Variants in GRIP1 observed in about 807,000 individuals in gnomAD.
The protein encoded by GRIP1 is glutamate receptor-interacting protein 1.
Under a neutral mutation model 129.9 loss-of-function variants are expected in GRIP1, and 45 were observed. That is an observed-to-expected ratio of 0.35 (90% CI 0.27 to 0.44). The LOEUF (loss-of-function observed/expected upper bound fraction) is 0.44. Ranked by LOEUF, GRIP1 falls within the 20% of genes least tolerant of loss-of-function variation. The pLI, the probability that GRIP1 is intolerant of heterozygous loss-of-function variation, is 1.00. For missense variants in GRIP1, 1,196 were observed against 1,396.8 expected, an observed-to-expected ratio of 0.86 and a Z score of 2.29; for synonymous variants, 530 against 520.8, an observed-to-expected ratio of 1.02 and a Z score of -0.24.
chr12:67,047,977 TA>T (rs2043280834), intron 1 of GRIP1, among the ~76,000 whole-genome samples: 1 of 152,182 alleles, frequency 6.6e-6, no homozygotes, highest in Admixed American at 6.6e-5. Flanking sequence ...GTTCTATTTG[TA>T]AGTCTTTAAT....
At chr12:66,575,061 C>T (rs191465032) in intron 2 of GRIP1, among the ~76,000 whole-genome samples, 3 of 152,278 alleles carry the variant, frequency 2.0e-5, no homozygotes, top group East Asian at 3.9e-4. Context: ...CATTAGCCAC[C>T]GTGCCCGGCC....
At chr12:66,972,910 G>T (rs7132109) in intron 1 of GRIP1, among the ~76,000 whole-genome samples, 1 of 151,934 alleles carries the variant, frequency 6.6e-6, no homozygotes, top group African/African-American at 2.4e-5. Flanking sequence ...ATTCTCAAAG[G>T]AACTCCTGGC....
At chr12:66,604,047 T>A (rs989236240) in intron 1 of GRIP1, among the ~76,000 whole-genome samples, 1 of 152,196 alleles carries the variant, frequency 6.6e-6, no homozygotes, top group Non-Finnish European at 1.5e-5. Flanking sequence ...TGGCACTGTC[T>A]CCTTAAATTC....
intron 4 of GRIP1, among the ~76,000 whole-genome samples, chr12:66,534,945 T>C (rs1380020269): frequency 2.0e-5 from 3 of 152,100 alleles, no homozygotes; most frequent in Non-Finnish European, 2.9e-5. Flanking sequence ...CCATCTGCCT[T>C]GGCCTCCCAA....
At chr12:66,866,247 T>C (rs539243109) in intron 1 of GRIP1, among the ~76,000 whole-genome samples, 22 of 152,236 alleles carry the variant, frequency 1.4e-4, no homozygotes, top group African/African-American at 4.3e-4. Flanking sequence ...GATGGGAGAA[T>C]TGCTTGAGGC....
chr12:66,718,500 G>C (rs375757081), intron 1 of GRIP1, among the ~76,000 whole-genome samples: 1 of 152,148 alleles, frequency 6.6e-6, no homozygotes, highest in Non-Finnish European at 1.5e-5. Context: ...TTAAGTTTGA[G>C]AAGCAGTTGG....
chr12:67,013,402 T>C (rs949888570), intron 1 of GRIP1, among the ~76,000 whole-genome samples: 2 of 152,160 alleles, frequency 1.3e-5, no homozygotes, highest in African/African-American at 2.4e-5. Context: ...GATTAGAGGA[T>C]GTATTTCTTA....
intron 7 of GRIP1, among the ~76,000 whole-genome samples, chr12:66,509,243 A>G (rs1199145373): frequency 6.6e-6 from 1 of 152,208 alleles, no homozygotes; most frequent in Non-Finnish European, 1.5e-5. Context: ...TTCATTTTAG[A>G]GAAGTGGAGC....
intron 1 of GRIP1, among the ~76,000 whole-genome samples, chr12:66,753,180 A>C (rs2037182819): frequency 6.6e-6 from 1 of 152,164 alleles, no homozygotes; most frequent in Admixed American, 6.6e-5. Flanking sequence ...TCTCAATGTA[A>C]AATAATCTCA....
intron 7 of GRIP1, among the ~76,000 whole-genome samples, chr12:66,474,252 G>A (rs7309214): frequency 0.35 from 52,581 of 151,580 alleles, 9,581 homozygotes; most frequent in Non-Finnish European, 0.41. Context: ...TCAGCTTAAT[G>A]AAATAAAGTG....
chr12:66,594,932 A>T (rs967169526), intron 2 of GRIP1, among the ~76,000 whole-genome samples: 2 of 152,242 alleles, frequency 1.3e-5, no homozygotes, highest in African/African-American at 2.4e-5. Context: ...ATGAGTCATT[A>T]GTCAGTCAGG....
chr12:66,725,799 C>CT (rs1288976403), intron 1 of GRIP1, among the ~76,000 whole-genome samples: 1 of 152,168 alleles, frequency 6.6e-6, no homozygotes, highest in East Asian at 1.9e-4. Context: ...GTAAGAAATA[C>CT]TTTAATTTCC....
chr12:66,563,807 TA>T (rs1198449200), intron 2 of GRIP1: 2 of 151,994 alleles, frequency 1.3e-5, no homozygotes, highest in African/African-American at 4.8e-5. Context: ...TTTTTAATTG[TA>T]AAAAATAAAA....
chr12:66,774,120 G>T (rs2037906116), intron 1 of GRIP1, among the ~76,000 whole-genome samples: 1 of 152,076 alleles, frequency 6.6e-6, no homozygotes, highest in African/African-American at 2.4e-5. Flanking sequence ...GTAGTAAAAG[G>T]ACAAAACCAA....
intron 1 of GRIP1, among the ~76,000 whole-genome samples, chr12:66,888,331 G>C (rs1463846575): frequency 6.6e-6 from 1 of 151,722 alleles, no homozygotes; most frequent in Non-Finnish European, 1.5e-5. Context: ...AAAGTGCTAG[G>C]ATTACAGGCA....
intron 1 of GRIP1, among the ~76,000 whole-genome samples, chr12:66,731,098 TAGAG>T (rs566985572): frequency 3.2e-4 from 48 of 152,288 alleles, no homozygotes; most frequent in Non-Finnish European, 5.4e-4. Flanking sequence ...CATTTATTCT[TAGAG>T]AGATCTCATT....
At chr12:66,804,736 A>G (rs2038953756), upstream of GRIP1, among the ~76,000 whole-genome samples, 1 of 152,226 alleles carries the variant, frequency 6.6e-6, no homozygotes, top group Non-Finnish European at 1.5e-5. Flanking sequence ...CCTAGCCCAC[A>G]TTATCTCAAA....
At chr12:66,757,291 G>A (rs533370167) in intron 1 of GRIP1, among the ~76,000 whole-genome samples, 1 of 152,050 alleles carries the variant, frequency 6.6e-6, no homozygotes, top group Non-Finnish European at 1.5e-5. Flanking sequence ...GAGTTGGATT[G>A]TTTTCATTTT....
intron 1 of GRIP1, among the ~76,000 whole-genome samples, chr12:66,723,705 C>T (rs1355480780): frequency 6.6e-6 from 1 of 152,040 alleles, no homozygotes; most frequent in Non-Finnish European, 1.5e-5. Flanking sequence ...TAAAGCAACA[C>T]CATAGCAAGG....
Sources: allele counts gnomAD v4.1 joint callset (sites outside exome capture counted in the v4.1 genomes callset), GRCh38; gene constraint gnomAD v4.1.1; transcripts MANE v1.5; gene names NCBI Gene and HGNC (gene_info 2026-07-23, HGNC 2026-07-21).